The following CDH12 variants were observed in gnomAD, a reference collection of about 807,000 sequenced individuals.
The protein encoded by CDH12 is cadherin-12.
In CDH12, 41 loss-of-function variants were observed where a neutral mutation model predicts 74.1. The ratio of observed to expected loss-of-function variants is 0.55; its 90% CI spans 0.43 to 0.72. CDH12 has a LOEUF of 0.72. Among genes scored for constraint, CDH12 ranks in the 30% least tolerant of loss-of-function variants. The pLI, the probability that CDH12 is intolerant of heterozygous loss-of-function variation, is 0.00. For synonymous variants in CDH12, 399 were observed against 355.0 expected (o/e 1.12, Z -1.39); for missense variants, 945 against 977.2 (o/e 0.97, Z 0.44).
chr5:22,102,690 AAAT>A (rs1289384813), intron 4 of CDH12, among the ~76,000 whole-genome samples: 1 of 151,846 alleles, frequency 6.6e-6, no homozygotes, highest in African/African-American at 2.4e-5. Flanking sequence ...ATAAATAAAT[AAAT>A]ACATAAATAA....
At chr5:22,493,441 C>A (rs899220451) in intron 2 of CDH12, among the ~76,000 whole-genome samples, 7 of 151,978 alleles carry the variant, frequency 4.6e-5, no homozygotes, top group African/African-American at 1.7e-4. Flanking sequence ...ATGAATGAAT[C>A]GTTAGAAAAA....
At chr5:22,484,850 A>G (rs140687414) in intron 2 of CDH12, among the ~76,000 whole-genome samples, 2,807 of 152,294 alleles carry the variant, frequency 0.018, 34 homozygotes, top group Non-Finnish European at 0.03. Context: ...TAATAACAGG[A>G]TTACATAATA....
chr5:22,431,086 C>T (rs145933206), intron 2 of CDH12, among the ~76,000 whole-genome samples: 4 of 152,182 alleles, frequency 2.6e-5, no homozygotes, highest in African/African-American at 4.8e-5. Flanking sequence ...CATTGAGTTA[C>T]GGATTACAAA....
intron 6 of CDH12, among the ~76,000 whole-genome samples, chr5:21,937,715 G>A (rs1184326087): frequency 1.3e-5 from 2 of 152,198 alleles, no homozygotes; most frequent in Non-Finnish European, 2.9e-5. Context: ...GGTCCCACAG[G>A]GAGAGCTGCC....
In CDH12 at chr5:22,652,687, G is replaced by GA. The variant is rs545578126; in HGVS notation, c.-522-147324dup. Among the ~76,000 whole-genome samples, 189 of 152,090 alleles carry GA rather than the reference G, an allele frequency of 1.2e-3. 2 individuals are homozygous for GA. Among genetic ancestry groups the GA allele is most frequent in the African/African-American group, 4.2e-3 (176 of 41,528 alleles). ...TATAGACTTTTACAAGTACAAATTAGAAAAAATCATTTAATTAGTCAAAAT... is the reference window on the plus strand; with the variant it reads ...TATAGACTTTTACAAGTACAAATTAGAAAAAAATCATTTAATTAGTCAAAAT... On this transcript the variant is annotated intron_variant, in intron 1 of 14. Coordinates refer to ENST00000382254, the MANE Select transcript of CDH12 (RefSeq NM_004061.5).
At chr5:22,566,717 G>A (rs1009131183) in intron 1 of CDH12, among the ~76,000 whole-genome samples, 5 of 152,036 alleles carry the variant, frequency 3.3e-5, no homozygotes, top group Non-Finnish European at 7.4e-5. Context: ...ACATTATGAG[G>A]TACTTACATG....
intron 1 of CDH12, among the ~76,000 whole-genome samples, chr5:22,540,677 C>T (rs1738063466): frequency 6.6e-6 from 1 of 152,158 alleles, no homozygotes; most frequent in Non-Finnish European, 1.5e-5. Flanking sequence ...CTTCCACCTA[C>T]ACATAAATTT....
At chr5:22,685,740 A>G (rs75183362) in intron 1 of CDH12, among the ~76,000 whole-genome samples, 1 of 152,096 alleles carries the variant, frequency 6.6e-6, no homozygotes, top group Non-Finnish European at 1.5e-5. Context: ...TTTCTTTTTT[A>G]TTGCCAAATA....
At chr5:22,225,618 T>C (rs2150371548) in intron 3 of CDH12, among the ~76,000 whole-genome samples, 1 of 152,220 alleles carries the variant, frequency 6.6e-6, no homozygotes, top group East Asian at 1.9e-4. Context: ...TTTACTCTTC[T>C]AAATTACCTA....
chr5:22,353,013 T>C (rs1332263145), intron 3 of CDH12, among the ~76,000 whole-genome samples: 2 of 152,166 alleles, frequency 1.3e-5, no homozygotes, highest in Non-Finnish European at 2.9e-5. Context: ...AAACAGATCC[T>C]CACTTATGCT....
intron 5 of CDH12, among the ~76,000 whole-genome samples, chr5:21,978,586 AAAT>A (rs1757168105): frequency 6.6e-6 from 1 of 152,342 alleles, no homozygotes; most frequent in South Asian, 2.1e-4. Flanking sequence ...CTATATAAAT[AAAT>A]GAGTCAAGAT....
At chr5:22,529,225 A>AAGAG (rs1256625324) in intron 1 of CDH12, among the ~76,000 whole-genome samples, 1 of 136,518 alleles carries the variant, frequency 7.3e-6, no homozygotes, top group Admixed American at 7.3e-5. Flanking sequence ...AGAGAGAGAG[A>AAGAG]AGAGAGAGAG....
At chr5:22,613,292 G>A (rs1737506169) in intron 1 of CDH12, among the ~76,000 whole-genome samples, 1 of 152,036 alleles carries the variant, frequency 6.6e-6, no homozygotes, top group South Asian at 2.1e-4. Context: ...AAAAAGAGAA[G>A]ATAATTTTTA....
chr5:21,890,810 G>A (rs1422597033), intron 6 of CDH12, among the ~76,000 whole-genome samples: 1 of 152,076 alleles, frequency 6.6e-6, no homozygotes, highest in East Asian at 1.9e-4. Context: ...TGAGGATACT[G>A]TCAAATTTAG....
intron 3 of CDH12, among the ~76,000 whole-genome samples, chr5:22,309,629 C>G (rs1476192415): frequency 6.6e-6 from 1 of 152,016 alleles, no homozygotes; most frequent in African/African-American, 2.4e-5. Context: ...ATTCTCTTAG[C>G]TAATTTCCAT....
chr5:22,736,327 AT>A (rs964675217), intron 1 of CDH12, among the ~76,000 whole-genome samples: 2 of 151,752 alleles, frequency 1.3e-5, no homozygotes, highest in South Asian at 2.1e-4. Context: ...GTATATATGT[AT>A]TTTTTTAAGT....
At chr5:22,088,897 T>A (rs1232202147) in intron 4 of CDH12, among the ~76,000 whole-genome samples, 1 of 152,106 alleles carries the variant, frequency 6.6e-6, no homozygotes. Flanking sequence ...TCCCCCAAGG[T>A]AAACACAAAA....
intron 7 of CDH12, among the ~76,000 whole-genome samples, chr5:21,851,884 C>T (rs985063520): frequency 6.6e-6 from 1 of 151,290 alleles, no homozygotes; most frequent in African/African-American, 2.4e-5. Flanking sequence ...AAAATGATCT[C>T]TGTATCTCTT....
Position 21,854,736 on chromosome 5 carries a change from T to C in CDH12, c.581A>G (p.Asn194Ser), listed in dbSNP as rs774211397. ...AATGCTGTAAACGACTCTGGCACTG[T>C]TTCCATAGGTCGGGTCATCTGCATC... ...ATDADDPTYG[N>S]SARVVYSILQ... Residue 194 changes from asparagine to serine, a missense_variant, in exon 7 of 15, where the codon AAC becomes AGC. This residue lies in a region of CDH12 where 791 missense variants were observed against 792.8 expected (regional missense o/e 1.00). Transcript: ENST00000382254. The C allele has an allele frequency of 3.1e-6, 5 of 1,609,624 alleles. No individual in the cohort carries two copies. The highest frequency in any genetic ancestry group is 3.4e-6 in the Non-Finnish European group (4 of 1,177,030).
Sources: gnomAD v4.1 joint callset for allele counts (sites outside exome capture counted in the v4.1 genomes callset) on GRCh38, gnomAD v4.1.1 for gene constraint, gnomAD v4.1.1 regional missense constraint, MANE v1.5 for transcripts, NCBI Gene and HGNC (gene_info 2026-07-23, HGNC 2026-07-21) for gene names.